Variants in RPTN observed in about 807,000 individuals in gnomAD.
The protein encoded by RPTN is intermediate filament-associated protein.
A neutral mutation model predicts 3.6 loss-of-function variants in RPTN; 4 were observed. The ratio of observed to expected loss-of-function variants is 1.12; its 90% CI spans 0.55 to 2.55. The LOEUF is 2.55. Ranked by LOEUF, RPTN falls within the 30% of genes most tolerant of loss-of-function variation. RPTN has a pLI of 0.02. For missense variants in RPTN, 860 were observed against 916.7 expected (o/e 0.94, Z 0.80); for synonymous variants, 293 against 319.3 (o/e 0.92, Z 0.88).
Position 152,156,835 on chromosome 1 carries a change from C to T in RPTN, c.264G>A (p.Lys88=), listed in dbSNP as rs372180298. 3.1e-6 allele frequency: 5 copies of T among 1,614,062 alleles called. No homozygotes were observed. The African/African-American group carries it at 5.3e-5, about 17-fold the overall frequency. Residue 88 remains lysine, a synonymous_variant, in exon 3 of 3, where the codon AAG becomes AAA. Transcript: ENST00000316073. The part of the protein sequence containing the change: ...VFQLVQACYH[K]LDNKSHGGRT... ...TGCCTCCATGTGACTTATTGTCTAG[C>T]TTATGATAGCAGGCTTGGACCAACT...
rs1659166189 is a variant in RPTN, at chr1:152,155,071, C to G, written c.2028G>C (p.Gly676=). 1 of 1,614,176 alleles carries G rather than the reference C, an allele frequency of 6.2e-7. No individual in the cohort carries two copies. The highest frequency in any genetic ancestry group is 1.3e-5 in the African/African-American group (1 of 75,042). ...CACTACTGCATGATTGCCAGTCTCT[C>G]CCTTTGTGACAAAGTGGTCTTTCTT... ...IQQERPLCHK[G]RDWQSCSSEQ... is the part of the protein sequence containing the mutation. The change falls in exon 3 of 3, where the codon GGG becomes GGC. Residue 676 remains glycine (G), a synonymous_variant. Transcript: ENST00000316073.
chr1:152,155,848 C>T lies in RPTN; in HGVS notation c.1251G>A (p.Gln417=), dbSNP rs764513210. 3 of 1,610,914 alleles carry T rather than the reference C, an allele frequency of 1.9e-6. No individual in the cohort carries two copies. The highest frequency in any genetic ancestry group is 3.4e-5 in the Admixed American group (2 of 59,506). ...ERQGQSSHYS[Q]MDRQGQGSHY... ...GAGAACCCTGGCCTTGTCGGTCCAT[C>T]TGACTGTAGTGGGAACTCTGGCCTT... The change falls in exon 3 of 3, where the codon CAG becomes CAA. Residue 417 remains glutamine (Q), a synonymous_variant. Transcript: ENST00000316073.
In RPTN at chr1:152,155,021, G is replaced by T. The variant is rs773802431; in HGVS notation, c.2078C>A (p.Thr693Asn). 3.7e-6 allele frequency: 6 copies of T among 1,614,106 alleles called. No individual in the cohort carries two copies. Among genetic ancestry groups the T allele is most frequent in the African/African-American group, 2.7e-5 (2 of 75,010 alleles). The change falls in exon 3 of 3, where the codon ACC (threonine) becomes AAC (asparagine). Residue 693 changes from threonine to asparagine, a missense_variant. Coordinates refer to ENST00000316073, the MANE Select transcript of RPTN (RefSeq NM_001122965.1). The part of the protein sequence containing the change: ...SSEQGHRQAQ[T>N]RQSHGEGLSH... ...CAGCCCCTCACCATGACTCTGCCTG[G>T]TCTGGGCCTGTCTGTGGCCCTGCTC...
At position 152,156,998 on chromosome 1, in the gene RPTN, G is replaced by A. The variant is rs180861599; in HGVS notation, c.139-38C>T. On this transcript the variant is annotated intron_variant, in intron 2 of 2. Coordinates refer to ENST00000316073, the MANE Select transcript of RPTN (RefSeq NM_001122965.1). ...AAAACAAAGAGCAAAATCAGATGCT[G>A]TCTTGTGCATACTAAGATGTGTATC... The A allele has an allele frequency of 7.6e-5, 118 of 1,547,912 alleles. 1 individual carries two copies. The Admixed American group carries it at 2.0e-3, about 26-fold the overall frequency.
At chr1:152,156,994 T>G in intron 2 of RPTN, 34 bp from the exon 3 acceptor site, 1 of 1,554,840 alleles carries the variant, frequency 6.4e-7, no homozygotes, top group Non-Finnish European at 8.8e-7. Flanking sequence ...CAAAATCAGA[T>G]GCTGTCTTGT....
At chr1:152,157,046 C>T (rs1034648986) in intron 2 of RPTN, 86 bp from the exon 3 acceptor site, 19 of 1,134,154 alleles carry the variant, frequency 1.7e-5, no homozygotes, top group East Asian at 2.4e-5. Context: ...CCAATCCATT[C>T]GGTGCTGCAC....
chr1:152,154,916 G>T lies in RPTN; in HGVS notation c.2183C>A (p.Thr728Lys). The change falls in exon 3 of 3, where the codon ACA becomes AAA. Residue 728 changes from threonine to lysine, a missense_variant. Transcript: ENST00000316073. Reference sequence around the variant, plus strand: ...ATCTTTATGGGTTCGCCTGTCCTGTGTCCCACATGGACCTTCCTGACTCTC... The same window carrying T: ...ATCTTTATGGGTTCGCCTGTCCTGTTTCCCACATGGACCTTCCTGACTCTC... ...SHESQEGPCG[T>K]QDRRTHKDEQ... 1 of 1,614,026 alleles carries T rather than the reference G, an allele frequency of 6.2e-7. No individual in the cohort carries two copies. Among genetic ancestry groups the T allele is most frequent in the African/African-American group, 1.3e-5 (1 of 74,964 alleles).
Position 152,155,286 on chromosome 1 carries a change from T to C in RPTN, c.1813A>G (p.Arg605Gly), listed in dbSNP as rs1373605176. The C allele has an allele frequency of 6.2e-7, 1 of 1,614,140 alleles. No homozygotes were observed. The highest frequency in any genetic ancestry group is 8.5e-7 in the Non-Finnish European group (1 of 1,180,056). Residue 605 changes from arginine to glycine, a missense_variant, in exon 3 of 3, where the codon AGA becomes GGA. By Grantham distance (125) the Arg-to-Gly change is moderately radical (BLOSUM62 -2). Coordinates refer to ENST00000316073, the MANE Select transcript of RPTN (RefSeq NM_001122965.1). ...NKYFQGTEGT[R>G]KASYVEQSGR... ...GATTGTTCAACATAAGAGGCTTTTC[T>C]TGTTCCTTCAGTCCCTTGGAAGTAC...
Position 152,155,087 on chromosome 1 carries a change from G to A in RPTN, c.2012C>T (p.Pro671Leu), listed in dbSNP as rs761009742. 4 of 1,614,118 alleles carry A rather than the reference G, an allele frequency of 2.5e-6. No individual in the cohort carries two copies. The highest frequency in any genetic ancestry group is 3.4e-6 in the Non-Finnish European group (4 of 1,180,000). ...CCAGTCTCTCCCTTTGTGACAAAGTGGTCTTTCTTGTTGGATTTGTGCTAA... is the reference window on the plus strand; with the variant it reads ...CCAGTCTCTCCCTTTGTGACAAAGTAGTCTTTCTTGTTGGATTTGTGCTAA... Reference protein sequence around the residue: ...KLLAQIQQERPLCHKGRDWQS... With the variant: ...KLLAQIQQERLLCHKGRDWQS... Residue 671 changes from proline to leucine, a missense_variant, in exon 3 of 3, where the codon CCA becomes CTA. Transcript: ENST00000316073.
At position 152,155,305 on chromosome 1, in the gene RPTN, G is replaced by T; in HGVS notation, c.1794C>A (p.Phe598Leu). 6.2e-7 allele frequency: 1 copy of T among 1,614,212 alleles called. No homozygotes were observed. Among genetic ancestry groups the T allele is most frequent in the Non-Finnish European group, 8.5e-7 (1 of 1,180,042 alleles). The change falls in exon 3 of 3, where the codon TTC (phenylalanine) becomes TTA (leucine). Residue 598 changes from phenylalanine (F) to leucine (L), a missense_variant. Physicochemically the swap from Phe to Leu is conservative, Grantham distance 22. Transcript: ENST00000316073. ...CTTTTCTTGTTCCTTCAGTCCCTTG[G>T]AAGTACTTATTTTGCCCTTGTATTT... Reference protein sequence around the residue: ...TGEIQGQNKYFQGTEGTRKAS... With the variant: ...TGEIQGQNKYLQGTEGTRKAS...
At position 152,156,738 on chromosome 1, in the gene RPTN, G is replaced by T; in HGVS notation, c.361C>A (p.His121Asn). ...CKFPGNTGRQHRQRHEEERQN... is the reference protein window; with the variant it reads ...CKFPGNTGRQNRQRHEEERQN... ...CTTTCTTCCTCGTGCCTCTGTCTGTGTTGTCTGCCTGTGTTTCCTGGGAAC... is the reference window on the plus strand; with the variant it reads ...CTTTCTTCCTCGTGCCTCTGTCTGTTTTGTCTGCCTGTGTTTCCTGGGAAC... The change falls in exon 3 of 3, where the codon CAC becomes AAC. Residue 121 changes from histidine (H) to asparagine (N), a missense_variant. His to Asn is a moderately conservative substitution (Grantham distance 68). Transcript: ENST00000316073. The T allele has an allele frequency of 6.2e-7, 1 of 1,614,180 alleles. No individual in the cohort carries two copies. The highest frequency in any genetic ancestry group is 8.5e-7 in the Non-Finnish European group (1 of 1,180,028).
At position 152,154,704 on chromosome 1, in the gene RPTN, G is replaced by C. The variant is rs754634506; in HGVS notation, c.*40C>G. On this transcript the variant is annotated 3_prime_UTR_variant, in exon 3 of 3. Coordinates refer to ENST00000316073, the MANE Select transcript of RPTN (RefSeq NM_001122965.1). ...TCCTCATAGTTTTGTCTATTATGTT[G>C]TTGCTGATGGTTTTGATCCTCTTCA... is the stretch of plus-strand genomic sequence containing the variant. 1 of 1,605,666 alleles carries C rather than the reference G, an allele frequency of 6.2e-7. No homozygotes were observed. The highest frequency in any genetic ancestry group is 2.2e-5 in the East Asian group (1 of 44,768).
In RPTN at chr1:152,155,051, C is replaced by A. The variant is rs773664576; in HGVS notation, c.2048G>T (p.Ser683Ile). ...GGCCTGTCTGTGGCCCTGCTCACTA[C>A]TGCATGATTGCCAGTCTCTCCCTTT... ...CHKGRDWQSC[S>I]SEQGHRQAQT... The change falls in exon 3 of 3, where the codon AGT (serine) becomes ATT (isoleucine). Residue 683 changes from serine (S) to isoleucine (I), a missense_variant. By Grantham distance (142) the Ser-to-Ile change is moderately radical (BLOSUM62 -2). Transcript: ENST00000316073. The A allele has an allele frequency of 1.1e-5, 18 of 1,614,190 alleles. No individual in the cohort carries two copies. The South Asian group carries it at 1.8e-4, about 16-fold the overall frequency.
intron 1 of RPTN, among the ~76,000 whole-genome samples, chr1:152,158,279 T>C (rs183849724): frequency 3.8e-4 from 58 of 152,222 alleles, no homozygotes; most frequent in Middle Eastern, 3.4e-3. Context: ...GAAGCCAGCA[T>C]AGTAGGGCAT....
chr1:152,155,362 C>G lies in RPTN; in HGVS notation c.1737G>C (p.Gln579His), dbSNP rs1157625142. The G allele has an allele frequency of 2.0e-5, 33 of 1,614,012 alleles. No homozygotes were observed. The highest frequency in any genetic ancestry group is 2.7e-5 in the Non-Finnish European group (32 of 1,180,008). The change falls in exon 3 of 3, where the codon CAG (glutamine) becomes CAC (histidine). Residue 579 changes from glutamine (Q) to histidine (H), a missense_variant. Transcript: ENST00000316073. ...TCTGTGATTGAATATAGTGGGAACTCTGGCCTTGTCTGTCTGTCTGACCAT... is the reference window on the plus strand; with the variant it reads ...TCTGTGATTGAATATAGTGGGAACTGTGGCCTTGTCTGTCTGTCTGACCAT... Reference protein sequence around the residue: ...YHYGQTDRQGQSSHYIQSQTG... With the variant: ...YHYGQTDRQGHSSHYIQSQTG...
At position 152,154,893 on chromosome 1, in the gene RPTN, C is replaced by T; in HGVS notation, c.2206G>A (p.Asp736Asn). ...CGTQDRRTHK[D>N]EQNHQRRDRQ... ...TCTCGTCTCTGATGGTTCTGCTCAT[C>T]TTTATGGGTTCGCCTGTCCTGTGTC... The change falls in exon 3 of 3, where the codon GAT (aspartate) becomes AAT (asparagine). Residue 736 changes from aspartate (D) to asparagine (N), a missense_variant. Coordinates refer to ENST00000316073, the MANE Select transcript of RPTN (RefSeq NM_001122965.1). The T allele has an allele frequency of 6.2e-7, 1 of 1,614,042 alleles. No homozygotes were observed. The highest frequency in any genetic ancestry group is 1.1e-5 in the South Asian group (1 of 91,078).
Position 152,156,339 on chromosome 1 carries a change from C to G in RPTN, c.760G>C (p.Gly254Arg). 3.7e-6 allele frequency: 6 copies of G among 1,614,216 alleles called. No individual in the cohort carries two copies. The highest frequency in any genetic ancestry group is 5.1e-6 in the Non-Finnish European group (6 of 1,180,044). ...GTCTGGTTAAAGTGAGAGGCTTGTC[C>G]AAGTGTTTCAGATTGTTGTGTATGT... ...ERHTQQSETLGQASHFNQTNQ... is the reference protein window; with the variant it reads ...ERHTQQSETLRQASHFNQTNQ... The change falls in exon 3 of 3, where the codon GGA (glycine) becomes CGA (arginine). Residue 254 changes from glycine to arginine, a missense_variant. Transcript: ENST00000316073.
Position 152,155,088 on chromosome 1 carries a change from G to A in RPTN, c.2011C>T (p.Pro671Ser), listed in dbSNP as rs1281847753. The part of the protein sequence containing the change: ...KLLAQIQQER[P>S]LCHKGRDWQS... ...CAGTCTCTCCCTTTGTGACAAAGTG[G>A]TCTTTCTTGTTGGATTTGTGCTAAG... The change falls in exon 3 of 3, where the codon CCA becomes TCA. Residue 671 changes from proline (P) to serine (S), a missense_variant. Transcript: ENST00000316073. 6.2e-7 allele frequency: 1 copy of A among 1,614,146 alleles called. No individual in the cohort carries two copies. The highest frequency in any genetic ancestry group is 2.2e-5 in the East Asian group (1 of 44,874).
At position 152,154,269 on chromosome 1, in the gene RPTN, G is replaced by A. The variant is rs1426433563; in HGVS notation, c.*475C>T. The A allele has an allele frequency of 6.1e-6, 1 of 164,234 alleles. No homozygotes were observed. The highest frequency in any genetic ancestry group is 1.8e-4 in the East Asian group (1 of 5,582). The allele number at this position is 164,234 out of a possible 1,614,324, so 10.2% of individuals were successfully genotyped here. Reference sequence around the variant, plus strand: ...AAGAACCAAAAGCCCTTACGTGAATGCTAGTACTCAAAAACATCCTTGCAG... The same window carrying A: ...AAGAACCAAAAGCCCTTACGTGAATACTAGTACTCAAAAACATCCTTGCAG... On this transcript the variant is annotated 3_prime_UTR_variant, in exon 3 of 3. Transcript: ENST00000316073.
Sources: allele counts gnomAD v4.1 joint callset (sites outside exome capture counted in the v4.1 genomes callset), GRCh38; gene constraint gnomAD v4.1.1; transcripts MANE v1.5; gene names NCBI Gene and HGNC (gene_info 2026-07-23, HGNC 2026-07-21).